TMOD2: variants seen among roughly 807,000 people sequenced by gnomAD.
TMOD2 encodes the protein tropomodulin 2.
Under a neutral mutation model 39.9 loss-of-function variants are expected in TMOD2, and 22 were observed. The ratio of observed to expected loss-of-function variants is 0.55; its 90% CI spans 0.39 to 0.79. TMOD2 has a LOEUF of 0.79. Among genes scored for constraint, TMOD2 ranks in the 30% least tolerant of loss-of-function variants. The pLI is 0.00. For synonymous variants in TMOD2, 123 were observed against 146.1 expected, an observed-to-expected ratio of 0.84 and a Z score of 1.14; for missense variants, 386 against 413.3, an observed-to-expected ratio of 0.93 and a Z score of 0.57.
intron 5 of TMOD2, among the ~76,000 whole-genome samples, chr15:51,780,318 A>G (rs1161765542): frequency 6.6e-6 from 1 of 152,000 alleles, no homozygotes; most frequent in African/African-American, 2.4e-5. Context: ...ATTGTTGCCA[A>G]CTCCAAATGT....
intron 1 of TMOD2, among the ~76,000 whole-genome samples, chr15:51,755,472 G>A (rs948867337): frequency 1.1e-4 from 17 of 152,202 alleles, no homozygotes; most frequent in Non-Finnish European, 1.8e-4. Flanking sequence ...TCAACTCCAG[G>A]ACTGTGAGTG....
At chr15:51,760,037 A>G (rs1881795382) in intron 1 of TMOD2, among the ~76,000 whole-genome samples, 1 of 152,184 alleles carries the variant, frequency 6.6e-6, no homozygotes, top group Non-Finnish European at 1.5e-5. Flanking sequence ...ACCCATTGAT[A>G]CAGTCTAAAT....
intron 7 of TMOD2, among the ~76,000 whole-genome samples, chr15:51,791,943 T>C (rs1185484771): frequency 1.3e-5 from 2 of 152,204 alleles, no homozygotes; most frequent in Non-Finnish European, 2.9e-5. Context: ...GACATAGGCA[T>C]GGGCAAAGAC....
At chr15:51,783,765 AG>A (rs1200113941) in intron 7 of TMOD2, 5 of 151,662 alleles carry the variant, frequency 3.3e-5, no homozygotes, top group Non-Finnish European at 5.9e-5. Flanking sequence ...ATAGATAGAT[AG>A]ATAGATAGAT....
intron 7 of TMOD2, among the ~76,000 whole-genome samples, chr15:51,788,024 A>G (rs11638161): frequency 0.48 from 72,609 of 152,006 alleles, 17,624 homozygotes; most frequent in Admixed American, 0.54. Flanking sequence ...GACAGAAGTA[A>G]GCTTCAGAAG....
chr15:51,773,384 C>T (rs2055866252), intron 3 of TMOD2, among the ~76,000 whole-genome samples: 1 of 152,194 alleles, frequency 6.6e-6, no homozygotes, highest in African/African-American at 2.4e-5. Context: ...CTCTAAAGTG[C>T]ACGACTCAGG....
At chr15:51,759,986 A>G (rs1466362650) in intron 1 of TMOD2, among the ~76,000 whole-genome samples, 6 of 152,186 alleles carry the variant, frequency 3.9e-5, no homozygotes, top group Non-Finnish European at 7.3e-5. Flanking sequence ...GTTTCCTGCT[A>G]GTGCCCCCTG....
intron 5 of TMOD2, 93 bp from the exon 6 acceptor site, chr15:51,780,951 C>T: frequency 2.0e-6 from 2 of 996,114 alleles, no homozygotes; most frequent in Non-Finnish European, 3.0e-6. Flanking sequence ...TTATTGGAAT[C>T]AGCATATGAA....
chr15:51,797,844 C>T (rs1595877148), intron 7 of TMOD2, among the ~76,000 whole-genome samples: 2 of 143,226 alleles, frequency 1.4e-5, no homozygotes, highest in African/African-American at 5.2e-5. Flanking sequence ...GGATTATGTC[C>T]TTTCTACCTT....
intron 5 of TMOD2, among the ~76,000 whole-genome samples, chr15:51,779,859 T>C (rs1222786146): frequency 6.6e-6 from 1 of 152,092 alleles, no homozygotes. Flanking sequence ...TTTTAAAATT[T>C]ATTGTAGAGG....
intron 7 of TMOD2, 143 bp downstream of exon 7, chr15:51,782,971 C>A: frequency 1.5e-6 from 1 of 662,424 alleles, no homozygotes; most frequent in Non-Finnish European, 2.6e-6. Context: ...AGTTACAATG[C>A]AATAGTTAAA....
intron 8 of TMOD2, among the ~76,000 whole-genome samples, chr15:51,801,971 T>C (rs991035573): frequency 3.3e-5 from 5 of 150,536 alleles, no homozygotes; most frequent in Admixed American, 2.7e-4. Flanking sequence ...AGTTATATAA[T>C]TTAATACACT....
chr15:51,774,389 C>G (rs1375120573), intron 4 of TMOD2, among the ~76,000 whole-genome samples: 2 of 152,182 alleles, frequency 1.3e-5, no homozygotes. Context: ...ACTCCCATGT[C>G]TTGTACAGCC....
intron 7 of TMOD2, among the ~76,000 whole-genome samples, chr15:51,789,896 A>G (rs1208510469): frequency 6.6e-6 from 1 of 152,262 alleles, no homozygotes; most frequent in South Asian, 2.1e-4. Context: ...AAATGCTCAC[A>G]AGAGAAAGCA....
At chr15:51,776,893 C>T in intron 4 of TMOD2, 39 bp from the exon 5 acceptor site, 1 of 1,530,342 alleles carries the variant, frequency 6.5e-7, no homozygotes, top group Admixed American at 1.7e-5. Flanking sequence ...TCCTAATGTG[C>T]TTCTCCAAAC....
At chr15:51,782,470 C>T (rs2055937392) in intron 6 of TMOD2, among the ~76,000 whole-genome samples, 1 of 152,200 alleles carries the variant, frequency 6.6e-6, no homozygotes, top group South Asian at 2.1e-4. Context: ...TGCATACTTT[C>T]TTGGTTAGGG....
chr15:51,803,631 T>C lies in TMOD2; in HGVS notation c.877-2746T>C, dbSNP rs1249463763. 3.3e-5 allele frequency among the ~76,000 whole-genome samples: 5 copies of C among 152,142 alleles called. No homozygotes were observed. The East Asian group carries it at 5.8e-4, about 18-fold the overall frequency. ...TAGAAGATTGATAAATTTGACCATA[T>C]GAAAATGAAGAAAAGTCCTGATAGT... On this transcript the variant is annotated intron_variant, in intron 8 of 9. Transcript: ENST00000249700.
Position 51,808,631 on chromosome 15 carries a change from T to C in TMOD2, c.*177T>C, listed in dbSNP as rs1357232641. On this transcript the variant is annotated 3_prime_UTR_variant, in exon 10 of 10. Coordinates refer to ENST00000249700, the MANE Select transcript of TMOD2 (RefSeq NM_014548.4). ...CTTATTTATCTTGGATTTTGTAATATATGCAATTGTTTTATTTGCTCATGG... is the reference window on the plus strand; with the variant it reads ...CTTATTTATCTTGGATTTTGTAATACATGCAATTGTTTTATTTGCTCATGG... 2 of 448,994 alleles carry C rather than the reference T, an allele frequency of 4.5e-6. No homozygotes were observed. The highest frequency in any genetic ancestry group is 4.0e-5 in the African/African-American group (2 of 49,530). The allele number at this position is 448,994 out of a possible 1,614,324, so 27.8% of individuals were successfully genotyped here.
At chr15:51,795,168 C>A (rs1190502022) in intron 7 of TMOD2, among the ~76,000 whole-genome samples, 2 of 152,180 alleles carry the variant, frequency 1.3e-5, no homozygotes, top group Non-Finnish European at 2.9e-5. Flanking sequence ...CACCTGTAAT[C>A]CCAGCACTTT....
Sources: allele counts gnomAD v4.1 joint callset (sites outside exome capture counted in the v4.1 genomes callset), GRCh38; gene constraint gnomAD v4.1.1; transcripts MANE v1.5; gene names NCBI Gene and HGNC (gene_info 2026-07-23, HGNC 2026-07-21).